The following THY1 variants were observed in gnomAD, a reference collection of about 807,000 sequenced individuals.
The protein encoded by THY1 is thy-1 membrane glycoprotein.
Under a neutral mutation model 14.9 loss-of-function variants are expected in THY1, and 10 were observed. That is an observed-to-expected ratio of 0.67 (90% CI 0.41 to 1.14). The LOEUF (loss-of-function observed/expected upper bound fraction) is 1.14. Ranked by LOEUF, THY1 falls within the 50% of genes most tolerant of loss-of-function variation. The pLI is 0.00. For missense variants in THY1, 159 were observed against 202.1 expected (o/e 0.79, Z 1.29); for synonymous variants, 80 against 90.0 (o/e 0.89, Z 0.63).
rs1861767786 is a variant in THY1 at position 119,416,013 on chromosome 11, C to G, written c.*3395G>C. ...GAGGAGGCGGGAGGGATGTGTGTCA[C>G]AGGTCCCCGGACGCTGTGTAGATTT... On this transcript the variant is annotated 3_prime_UTR_variant, in exon 4 of 4. Coordinates refer to ENST00000284240, the MANE Select transcript of THY1 (RefSeq NM_006288.5). 1.3e-5 allele frequency among the ~76,000 whole-genome samples: 2 copies of G among 152,204 alleles called. No homozygotes were observed. Among genetic ancestry groups the G allele is most frequent in the South Asian group, 2.1e-4 (1 of 4,824 alleles).
Position 119,419,499 on chromosome 11 carries a change from C to A in THY1, c.395G>T (p.Gly132Val), listed in dbSNP as rs780706399. 1 of 1,613,210 alleles carries A rather than the reference C, an allele frequency of 6.2e-7. No individual in the cohort carries two copies. Among genetic ancestry groups the A allele is most frequent in the Non-Finnish European group, 8.5e-7 (1 of 1,180,008 alleles). ...VLRDKLVKCE[G>V]ISLLAQNTSW... ...GGTGTTCTGAGCCAGCAGGCTGATG[C>A]CCTCACACTTGACCAGTTTGTCTGC... is the stretch of plus-strand genomic sequence containing the variant. The change falls in exon 4 of 4, where the codon GGC becomes GTC. Residue 132 changes from glycine (G) to valine (V), a missense_variant. Physicochemically the swap from Gly to Val is moderately radical, Grantham distance 109. Coordinates refer to ENST00000284240, the MANE Select transcript of THY1 (RefSeq NM_006288.5).
In THY1 at chr11:119,415,933, T is replaced by C. The variant is rs941620176; in HGVS notation, c.*3475A>G. Among the ~76,000 whole-genome samples, 2 of 152,146 alleles carry C rather than the reference T, an allele frequency of 1.3e-5. No homozygotes were observed. Among genetic ancestry groups the C allele is most frequent in the African/African-American group, 4.8e-5 (2 of 41,422 alleles). On this transcript the variant is annotated 3_prime_UTR_variant, in exon 4 of 4. Transcript: ENST00000284240. Reference sequence around the variant, plus strand: ...TTGACTTGGGTTTGTTTGTTTCACATGTAAAGACACCTTCACAGCACGAAA... The same window carrying C: ...TTGACTTGGGTTTGTTTGTTTCACACGTAAAGACACCTTCACAGCACGAAA...
At position 119,420,095 on chromosome 11, in the gene THY1, C is replaced by G; in HGVS notation, c.329G>C (p.Gly110Ala). The stretch of plus-strand genomic sequence containing the variant: ...CTGGGAGGAGATGGGTGGGGAATGG[C>G]CAGAGTGGTGGAGTGCACACGTGTA... ...GTYTCALHHS[G>A]HSPPISSQNV... is the part of the protein sequence containing the mutation. Residue 110 changes from glycine to alanine, a missense_variant, in exon 3 of 4, where the codon GGC becomes GCC. Transcript: ENST00000284240. The G allele has an allele frequency of 6.2e-7, 1 of 1,614,144 alleles. No homozygotes were observed. Among genetic ancestry groups the G allele is most frequent in the Non-Finnish European group, 8.5e-7 (1 of 1,179,990 alleles).
intron 3 of THY1, 66 bp downstream of exon 3, chr11:119,419,985 G>A: frequency 6.6e-7 from 1 of 1,514,112 alleles, no homozygotes; most frequent in Non-Finnish European, 8.9e-7. Context: ...CCAGCCAAGG[G>A]AACTGCCTGC....
Position 119,422,791 on chromosome 11 carries a change from G to A in THY1, c.-25+322C>T, listed in dbSNP as rs1458170681. Among the ~76,000 whole-genome samples, 3 of 152,148 alleles carry A rather than the reference G, an allele frequency of 2.0e-5. No homozygotes were observed. The highest frequency in any genetic ancestry group is 4.4e-5 in the Non-Finnish European group (3 of 68,036). On this transcript the variant is annotated intron_variant, in intron 1 of 3. Transcript: ENST00000284240. The surrounding 1 kb of genome is among the most constrained non-coding windows in gnomAD (Gnocchi z 7.0). ...GCCTCTGCGAGCTGGGTTTGGGGACGTCTGGGTGGAATGTAGACCCACAGG... is the reference window on the plus strand; with the variant it reads ...GCCTCTGCGAGCTGGGTTTGGGGACATCTGGGTGGAATGTAGACCCACAGG...
At position 119,420,061 on chromosome 11, in the gene THY1, TG is replaced by T. The variant is rs1162596265; in HGVS notation, c.362del (p.Thr121LysfsTer63). 2 of 1,612,706 alleles carry T rather than the reference TG, an allele frequency of 1.2e-6. No homozygotes were observed. Among genetic ancestry groups the T allele is most frequent in the Admixed American group, 3.3e-5 (2 of 59,972 alleles). On this transcript the variant is annotated frameshift_variant, in exon 3 of 4. Transcript: ENST00000284240. LOFTEE classifies it high-confidence loss of function. The part of the protein sequence containing the change: ...HSPPISSQNV[T>X]VLRDKLVKCE... ...AGGGGCTTGTCTCACCTCTGAGCACTGTGACGTTCTGGGAGGAGATGGGTGG... is the reference window on the plus strand; with the variant it reads ...AGGGGCTTGTCTCACCTCTGAGCACTTGACGTTCTGGGAGGAGATGGGTGG...
rs1446203660 is a variant in THY1, at chr11:119,417,530, ACT to A, written c.*1876_*1877del. On this transcript the variant is annotated 3_prime_UTR_variant, in exon 4 of 4. Transcript: ENST00000284240. ...AGGCTGGCTTGGGGCTGCCTCTCTGACTCTGACAGCAGTTGGAACCCACAGCT... is the reference window on the plus strand; with the variant it reads ...AGGCTGGCTTGGGGCTGCCTCTCTGACTGACAGCAGTTGGAACCCACAGCT... The A allele has an allele frequency of 6.6e-6, 1 of 151,544 alleles. No individual in the cohort carries two copies. The highest frequency in any genetic ancestry group is 2.4e-5 in the African/African-American group (1 of 41,158). The allele number at this position is 151,544 out of a possible 1,614,324, so 9.4% of individuals were successfully genotyped here. A position where few individuals can be genotyped will look rare whatever the true frequency, so the allele number is the denominator to read the frequency against.
In THY1 at chr11:119,419,765, A is replaced by T. The variant is rs924504995; in HGVS notation, c.374-245T>A. 5.0e-6 allele frequency: 3 copies of T among 597,738 alleles called. No individual in the cohort carries two copies. The African/African-American group carries it at 5.6e-5, about 11-fold the overall frequency. The allele number at this position is 597,738 out of a possible 1,614,324, so 37.0% of individuals were successfully genotyped here. ...AACATCATGACAAGAAAACTGGCTG[A>T]GGGAGGTGGTGTCATCCCTGTTTTC... On this transcript the variant is annotated intron_variant, in intron 3 of 3. Transcript: ENST00000284240.
At chr11:119,419,793 G>A (rs182065141) in intron 3 of THY1, 105 of 599,608 alleles carry the variant, frequency 1.8e-4, no homozygotes, top group African/African-American at 1.2e-3. Context: ...CTGTTTTCCC[G>A]CTGGGAGAAG....
At position 119,419,411 on chromosome 11, in the gene THY1, C is replaced by G. The variant is rs980618399; in HGVS notation, c.483G>C (p.Leu161=). ...TCTCCTCCATGGGCCCCACCAGTCA[C>G]AGGGACATGAAATCCGTGGCCTGGA... is the stretch of plus-strand genomic sequence containing the variant. ...SLLQATDFMS[L] Residue 161 remains leucine, a synonymous_variant, in exon 4 of 4, where the codon CTG becomes CTC. Transcript: ENST00000284240. The G allele has an allele frequency of 2.5e-6, 4 of 1,613,872 alleles. No homozygotes were observed. In the African/African-American group the frequency reaches 4.0e-5, roughly 16 times the overall value.
chr11:119,416,757 C>T lies in THY1; in HGVS notation c.*2651G>A, dbSNP rs1861785424. Reference sequence around the variant, plus strand: ...CAGGCATGAGCCACTGTGCCCATCTCTGGGTAGGTTTGCGTTGTGAGGCCT... The same window carrying T: ...CAGGCATGAGCCACTGTGCCCATCTTTGGGTAGGTTTGCGTTGTGAGGCCT... On this transcript the variant is annotated 3_prime_UTR_variant, in exon 4 of 4. Coordinates refer to ENST00000284240, the MANE Select transcript of THY1 (RefSeq NM_006288.5). Among the ~76,000 whole-genome samples the T allele has an allele frequency of 6.6e-6, 1 of 152,224 alleles. No homozygotes were observed. The highest frequency in any genetic ancestry group is 6.5e-5 in the Admixed American group (1 of 15,288).
In THY1 at chr11:119,417,242, A is replaced by G. The variant is rs1412327319; in HGVS notation, c.*2166T>C. ...TCCCCTTGGAGAGCTCTGGGCTGGC[A>G]GCATCTTGCTAAGGGGTTGTCAGCC... On this transcript the variant is annotated 3_prime_UTR_variant, in exon 4 of 4. Coordinates refer to ENST00000284240, the MANE Select transcript of THY1 (RefSeq NM_006288.5). 6.6e-6 allele frequency: 1 copy of G among 152,338 alleles called. No individual in the cohort carries two copies. Among genetic ancestry groups the G allele is most frequent in the Non-Finnish European group, 1.5e-5 (1 of 68,156 alleles). 9.4% of individuals were successfully genotyped at this position (152,338 alleles called of 1,614,324 possible).
chr11:119,423,223 GC>G (rs1315752906), upstream of THY1: 2 of 451,420 alleles, frequency 4.4e-6, no homozygotes, highest in Non-Finnish European at 8.9e-6. Flanking sequence ...GAGAGGGGGA[GC>G]GGGGAGCCGG....
At chr11:119,420,757 G>T in intron 2 of THY1, 112 bp downstream of exon 2, 1 of 1,322,398 alleles carries the variant, frequency 7.6e-7, no homozygotes. Context: ...GGATGAAAAA[G>T]AGCCCTCTCT....
chr11:119,421,817 T>C (rs569674375), intron 1 of THY1: 12 of 152,316 alleles, frequency 7.9e-5, no homozygotes, highest in African/African-American at 2.6e-4. Flanking sequence ...GAGAAAGACA[T>C]AGTGATCTCC....
intron 3 of THY1, 111 bp downstream of exon 3, chr11:119,419,940 G>C: frequency 8.4e-7 from 1 of 1,188,344 alleles, no homozygotes; most frequent in Non-Finnish European, 1.2e-6. Context: ...GTTGGGAGAG[G>C]GTGAGAGCGT....
rs1012921924 is a variant in THY1 at position 119,416,882 on chromosome 11, G to T, written c.*2526C>A. Reference sequence around the variant, plus strand: ...TCACCCACTGTGGGCCTCAGGTTCCGCTCCCCTAAACATGGCTGCAGAGGG... The same window carrying T: ...TCACCCACTGTGGGCCTCAGGTTCCTCTCCCCTAAACATGGCTGCAGAGGG... On this transcript the variant is annotated 3_prime_UTR_variant, in exon 4 of 4. Transcript: ENST00000284240. 6.6e-6 allele frequency among the ~76,000 whole-genome samples: 1 copy of T among 152,102 alleles called. No homozygotes were observed. The highest frequency in any genetic ancestry group is 2.4e-5 in the African/African-American group (1 of 41,380).
rs533414074 is a variant in THY1 at position 119,416,193 on chromosome 11, C to T, written c.*3215G>A. 1.6e-4 allele frequency among the ~76,000 whole-genome samples: 24 copies of T among 152,114 alleles called. No homozygotes were observed. The highest frequency in any genetic ancestry group is 2.2e-4 in the African/African-American group (9 of 41,476). On this transcript the variant is annotated 3_prime_UTR_variant, in exon 4 of 4. Coordinates refer to ENST00000284240, the MANE Select transcript of THY1 (RefSeq NM_006288.5). The stretch of plus-strand genomic sequence containing the variant: ...GAGAGGGGCTTCTGTTGCTCTTGAG[C>T]GGGAATTCCACGGCCCTAGGTATGG...
chr11:119,420,015 C>T, intron 3 of THY1, 36 bp downstream of exon 3: 2 of 1,584,264 alleles, frequency 1.3e-6, no homozygotes, highest in Non-Finnish European at 1.7e-6. Flanking sequence ...GCCTGGCTCT[C>T]CCAGCTCACT....
Sources: allele counts gnomAD v4.1 joint callset (sites outside exome capture counted in the v4.1 genomes callset), GRCh38; gene constraint gnomAD v4.1.1; non-coding constraint Gnocchi (gnomAD v3.1); transcripts MANE v1.5; gene names NCBI Gene and HGNC (gene_info 2026-07-23, HGNC 2026-07-21).